ZNF362: variants seen among roughly 807,000 people sequenced by gnomAD.
ZNF362 encodes zinc finger protein 362.
ZNF362 carries 11 observed loss-of-function variants against 42.9 expected under a neutral mutation model. That is an observed-to-expected ratio of 0.26 (90% CI 0.16 to 0.42). ZNF362 has a LOEUF of 0.42. Among genes scored for constraint, ZNF362 ranks in the 20% least tolerant of loss-of-function variants. ZNF362 has a pLI of 1.00. For synonymous variants in ZNF362, 255 were observed against 257.3 expected, an observed-to-expected ratio of 0.99 and a Z score of 0.09; for missense variants, 362 against 576.2, an observed-to-expected ratio of 0.63 and a Z score of 3.81.
chr1:33,211,638 C>G, the ZNF362 span, among the ~76,000 whole-genome samples: 1 of 152,110 alleles, frequency 6.6e-6, no homozygotes, highest in East Asian at 1.9e-4. Context: ...TGTGGGTAAC[C>G]CGCCCTTTCT....
the ZNF362 span, among the ~76,000 whole-genome samples, chr1:33,222,640 T>C: frequency 6.6e-6 from 1 of 152,212 alleles, no homozygotes; most frequent in Admixed American, 6.5e-5. Context: ...GCCTTCTTTC[T>C]ATTGCACAAA....
intron 4 of ZNF362, among the ~76,000 whole-genome samples, chr1:33,277,697 A>G (rs12566060): frequency 0.17 from 25,144 of 152,170 alleles, 2,589 homozygotes; most frequent in South Asian, 0.26. Flanking sequence ...ATGTAGGAGC[A>G]TGAGGGGAGG....
rs1158889795 is a variant in ZNF362 at position 33,299,076 on chromosome 1, C to T, written c.*30C>T. ...ACTGGAGGCGCCGCCCCACCCGGCCCACTGGCAGACACAGACCCAGGCAGC... is the reference window on the plus strand; with the variant it reads ...ACTGGAGGCGCCGCCCCACCCGGCCTACTGGCAGACACAGACCCAGGCAGC... On this transcript the variant is annotated 3_prime_UTR_variant, in exon 9 of 9. Transcript: ENST00000539719. The T allele has an allele frequency of 2.6e-6, 4 of 1,561,936 alleles. No individual in the cohort carries two copies. In the African/African-American group the frequency reaches 5.4e-5, roughly 21 times the overall value.
intron 1 of ZNF362, among the ~76,000 whole-genome samples, chr1:33,260,962 C>A (rs1369730953): frequency 6.6e-6 from 1 of 152,160 alleles, no homozygotes; most frequent in Non-Finnish European, 1.5e-5. Flanking sequence ...TAGAATCTTA[C>A]AAAGTGGACT....
chr1:33,236,550 A>AAAATATATATATATATAT, the ZNF362 span, among the ~76,000 whole-genome samples: 5 of 5,980 alleles, frequency 8.4e-4, no homozygotes, highest in Admixed American at 4.2e-3. Flanking sequence ...AAAAAAAAAA[A>AAAATATATATATATATAT]ATATATATAT....
the ZNF362 span, chr1:33,180,982 C>T: frequency 8.5e-6 from 9 of 1,060,506 alleles, no homozygotes; most frequent in Non-Finnish European, 9.2e-6. Context: ...GCCCCACCTC[C>T]AGCCCGGCCC....
At chr1:33,211,374 C>A in the ZNF362 span, among the ~76,000 whole-genome samples, 709 of 152,122 alleles carry the variant, frequency 4.7e-3, 7 homozygotes, top group African/African-American at 0.016. Flanking sequence ...GTGGCTGGTA[C>A]CGTTTGTTCA....
chr1:33,202,107 A>G, the ZNF362 span, among the ~76,000 whole-genome samples: 1 of 152,238 alleles, frequency 6.6e-6, no homozygotes, highest in Admixed American at 6.5e-5. Context: ...ATATTACATA[A>G]ATTGAATTCG....
At chr1:33,282,164 G>A (rs1645999767) in intron 6 of ZNF362, among the ~76,000 whole-genome samples, 1 of 152,134 alleles carries the variant, frequency 6.6e-6, no homozygotes, top group Admixed American at 6.5e-5. Flanking sequence ...GTCCCCACAG[G>A]GCTCTGTGCA....
chr1:33,256,458 C>CGCT, upstream of ZNF362: 1 of 168,766 alleles, frequency 5.9e-6, no homozygotes, highest in Non-Finnish European at 1.2e-5. Context: ...CTCCCGCCGC[C>CGCT]GCCGCCGCCG....
At chr1:33,174,945 G>GTGTTTATA in the ZNF362 span, among the ~76,000 whole-genome samples, 1 of 141,744 alleles carries the variant, frequency 7.1e-6, no homozygotes, top group African/African-American at 2.7e-5. Flanking sequence ...ATATATGTGT[G>GTGTTTATA]TATATATATA....
the ZNF362 span, chr1:33,199,832 G>T: frequency 6.6e-6 from 1 of 152,064 alleles, no homozygotes; most frequent in Admixed American, 6.6e-5. Context: ...ATCCTGGCAT[G>T]GGGAAACCCC....
chr1:33,134,780 A>G, the ZNF362 span, among the ~76,000 whole-genome samples: 1 of 152,218 alleles, frequency 6.6e-6, no homozygotes, highest in Admixed American at 6.5e-5. Context: ...GACTCTGAGA[A>G]ATAGGGGAGC....
At chr1:33,138,152 C>T in the ZNF362 span, among the ~76,000 whole-genome samples, 1 of 152,096 alleles carries the variant, frequency 6.6e-6, no homozygotes, top group Non-Finnish European at 1.5e-5. Context: ...GAGGTTACAC[C>T]CTGGAGCAAG....
intron 2 of ZNF362, among the ~76,000 whole-genome samples, chr1:33,273,117 G>A (rs542626828): frequency 6.6e-6 from 1 of 152,368 alleles, no homozygotes; most frequent in South Asian, 2.1e-4. Context: ...TCAAAGGCAT[G>A]TTGGGAGTCT....
the ZNF362 span, among the ~76,000 whole-genome samples, chr1:33,229,040 G>C: frequency 1.3e-5 from 2 of 152,032 alleles, no homozygotes; most frequent in Non-Finnish European, 2.9e-5. Flanking sequence ...TTTCCTCGAG[G>C]TATCTGTAGG....
intron 1 of ZNF362, among the ~76,000 whole-genome samples, chr1:33,267,672 G>A (rs1282395569): frequency 6.6e-6 from 1 of 152,160 alleles, no homozygotes; most frequent in Non-Finnish European, 1.5e-5. Flanking sequence ...CAATGTGAGT[G>A]TTAAATGAGT....
chr1:33,296,548 A>G (rs967225028), intron 8 of ZNF362, among the ~76,000 whole-genome samples: 1 of 152,176 alleles, frequency 6.6e-6, no homozygotes, highest in Non-Finnish European at 1.5e-5. Context: ...GGAGGACACA[A>G]TGGAGCTGGG....
At chr1:33,240,974 G>A in the ZNF362 span, among the ~76,000 whole-genome samples, 2 of 152,170 alleles carry the variant, frequency 1.3e-5, no homozygotes, top group Admixed American at 1.3e-4. Context: ...ACCACACGAA[G>A]CTGTGCATGC....
Sources: gnomAD v4.1 joint callset for allele counts (sites outside exome capture counted in the v4.1 genomes callset) on GRCh38, gnomAD v4.1.1 for gene constraint, MANE v1.5 for transcripts, NCBI Gene and HGNC (gene_info 2026-07-23, HGNC 2026-07-21) for gene names.